EXT1: variants seen among roughly 807,000 people sequenced by gnomAD.
The protein encoded by EXT1 is exostosin glycosyltransferase 1.
A neutral mutation model predicts 82.5 loss-of-function variants in EXT1; 20 were observed. The observed-to-expected ratio is 0.24, with a 90% CI of 0.17 to 0.35. The LOEUF is 0.35. Among genes scored for constraint, EXT1 ranks in the 10% least tolerant of loss-of-function variants. The pLI is 1.00. For missense variants in EXT1, 757 were observed against 936.5 expected, an observed-to-expected ratio of 0.81 and a Z score of 2.50; for synonymous variants, 348 against 350.8, an observed-to-expected ratio of 0.99 and a Z score of 0.09.
intron 1 of EXT1, among the ~76,000 whole-genome samples, chr8:118,044,125 T>C (rs1816581529): frequency 6.6e-6 from 1 of 152,232 alleles, no homozygotes; most frequent in Non-Finnish European, 1.5e-5. Context: ...CTGAAATGGA[T>C]TTTTTGTTCC....
At chr8:118,044,557 G>A (rs17505527) in intron 1 of EXT1, among the ~76,000 whole-genome samples, 1,831 of 152,096 alleles carry the variant, frequency 0.012, 29 homozygotes, top group African/African-American at 0.042. Context: ...ACAGGAGTGC[G>A]CCATCATGCC....
intron 1 of EXT1, among the ~76,000 whole-genome samples, chr8:118,099,124 G>C (rs1015356914): frequency 6.6e-6 from 1 of 152,202 alleles, no homozygotes; most frequent in Middle Eastern, 3.2e-3. Context: ...CCATGTTATA[G>C]TTCATCAAAT....
intron 1 of EXT1, among the ~76,000 whole-genome samples, chr8:117,890,501 T>A (rs139236633): frequency 2.0e-5 from 3 of 152,288 alleles, no homozygotes; most frequent in African/African-American, 7.2e-5. Flanking sequence ...TGGTCTTACA[T>A]TGGCTTGAAG....
chr8:117,858,592 G>T (rs1364801396), intron 1 of EXT1, among the ~76,000 whole-genome samples: 3 of 151,854 alleles, frequency 2.0e-5, no homozygotes, highest in Non-Finnish European at 4.4e-5. Context: ...GCAGGAGAAT[G>T]GCTTGAACCT....
intron 1 of EXT1, among the ~76,000 whole-genome samples, chr8:118,102,294 T>C (rs1398093937): frequency 6.0e-5 from 9 of 149,316 alleles, no homozygotes; most frequent in Non-Finnish European, 3.0e-5. Context: ...ATAAAATATA[T>C]GTAAGAAAAT....
At chr8:117,882,121 G>A (rs1184987961) in intron 1 of EXT1, among the ~76,000 whole-genome samples, 4 of 152,186 alleles carry the variant, frequency 2.6e-5, no homozygotes, top group Non-Finnish European at 4.4e-5. Context: ...TCACTCTGTC[G>A]CCCAGACTGG....
At chr8:117,840,211 C>A (rs1482136668) in intron 1 of EXT1, among the ~76,000 whole-genome samples, 1 of 152,164 alleles carries the variant, frequency 6.6e-6, no homozygotes, top group Non-Finnish European at 1.5e-5. Flanking sequence ...CCATGACCAA[C>A]CCCTACTAGC....
intron 1 of EXT1, among the ~76,000 whole-genome samples, chr8:117,956,047 T>C (rs1040402973): frequency 6.6e-6 from 1 of 152,174 alleles, no homozygotes; most frequent in African/African-American, 2.4e-5. Flanking sequence ...AAAATCAAAA[T>C]GATTTTAGAG....
At chr8:117,874,191 T>C (rs1158203761) in intron 1 of EXT1, among the ~76,000 whole-genome samples, 1 of 152,154 alleles carries the variant, frequency 6.6e-6, no homozygotes, top group Admixed American at 6.5e-5. Flanking sequence ...AAAAAGGCTT[T>C]GGTAGAGTAT....
At chr8:117,809,245 T>TATATATATATATATGTATATATA (rs1563874289) in intron 8 of EXT1, among the ~76,000 whole-genome samples, 23 of 66,042 alleles carry the variant, frequency 3.5e-4, no homozygotes, top group African/African-American at 8.3e-4. Flanking sequence ...ATATATATAT[T>TATATATATATATATGTATATATA]ATGTTCTATT....
chr8:118,011,139 G>C (rs549194792), intron 1 of EXT1, among the ~76,000 whole-genome samples: 1 of 152,170 alleles, frequency 6.6e-6, no homozygotes, highest in Non-Finnish European at 1.5e-5. Context: ...ATATGCAAAC[G>C]ACACCTCCTC....
intron 1 of EXT1, among the ~76,000 whole-genome samples, chr8:117,854,460 A>G (rs1264982902): frequency 1.3e-5 from 2 of 152,170 alleles, no homozygotes; most frequent in African/African-American, 4.8e-5. Flanking sequence ...ACACACACAC[A>G]CATACACACA....
At chr8:117,885,471 C>A in intron 1 of EXT1, among the ~76,000 whole-genome samples, 1 of 131,870 alleles carries the variant, frequency 7.6e-6, no homozygotes. Flanking sequence ...ATTTTTTTTT[C>A]CCTGAAAATG....
At chr8:118,008,052 T>C (rs1208322715) in intron 1 of EXT1, among the ~76,000 whole-genome samples, 2 of 152,130 alleles carry the variant, frequency 1.3e-5, no homozygotes, top group Non-Finnish European at 2.9e-5. Context: ...AAAAATCTGA[T>C]GCTCTCCCTC....
chr8:118,111,473 A>T lies in EXT1; in HGVS notation c.-427T>A. 1 of 542,146 alleles carries T rather than the reference A, an allele frequency of 1.8e-6. No individual in the cohort carries two copies. The highest frequency in any genetic ancestry group is 2.8e-5 in the South Asian group (1 of 35,186). 33.6% of individuals were successfully genotyped at this position (542,146 alleles called of 1,614,324 possible). On this transcript the variant is annotated 5_prime_UTR_variant, in exon 1 of 11. Transcript: ENST00000378204. ...GCAGCGTGGAAAATGAGCCCCGGGA[A>T]GGCAACTTCAACTCATCCACCACTC...
At chr8:117,822,342 A>G in intron 5 of EXT1, 123 bp downstream of exon 5, 1 of 1,132,214 alleles carries the variant, frequency 8.8e-7, no homozygotes, top group Non-Finnish European at 1.3e-6. Context: ...AAGGCTCTAG[A>G]AAAAGCAATC....
Position 117,812,944 on chromosome 8 carries a change from A to C in EXT1, c.1650T>G (p.Phe550Leu). The C allele has an allele frequency of 6.2e-7, 1 of 1,613,906 alleles. No homozygotes were observed. Among genetic ancestry groups the C allele is most frequent in the Non-Finnish European group, 8.5e-7 (1 of 1,179,936 alleles). Residue 550 changes from phenylalanine (F) to leucine (L), a missense_variant, in exon 8 of 11, where the codon TTT becomes TTG. By Grantham distance (22) the Phe-to-Leu change is conservative (BLOSUM62 0). Around this residue, in one of 4 missense-constraint regions of EXT1, gnomAD observed 207 missense variants for 224.2 expected, o/e 0.92. Transcript: ENST00000378204. ...CTGTGATGATGTTGTCGTAGGGCAG[A>C]AAACGGCTGCTCATAACCTGGGAGG... ...EGESKVMSSR[F>L]LPYDNIITDA...
At chr8:117,836,531 T>C (rs1438602584) in intron 2 of EXT1, among the ~76,000 whole-genome samples, 4 of 152,190 alleles carry the variant, frequency 2.6e-5, no homozygotes, top group African/African-American at 7.2e-5. Flanking sequence ...AGAAGGCTGG[T>C]TGCAACTTCC....
intron 1 of EXT1, among the ~76,000 whole-genome samples, chr8:118,072,492 G>C (rs1201856994): frequency 6.6e-6 from 1 of 152,204 alleles, no homozygotes; most frequent in Non-Finnish European, 1.5e-5. Context: ...ACCCTAAGGG[G>C]GGAGACCCTT....
Sources: allele counts gnomAD v4.1 joint callset (sites outside exome capture counted in the v4.1 genomes callset), GRCh38; gene constraint gnomAD v4.1.1; regional missense constraint gnomAD v4.1.1; transcripts MANE v1.5; gene names NCBI Gene and HGNC (gene_info 2026-07-23, HGNC 2026-07-21).